Variants in LCT observed in about 807,000 individuals in gnomAD.
LCT encodes the protein lactase/phlorizin hydrolase.
Under a neutral mutation model 173.0 loss-of-function variants are expected in LCT, and 90 were observed. The observed-to-expected ratio is 0.52, with a 90% CI of 0.44 to 0.62. The LOEUF (loss-of-function observed/expected upper bound fraction) is 0.62. Among genes scored for constraint, LCT ranks in the 20% least tolerant of loss-of-function variants. The probability of loss-of-function intolerance (pLI) is 0.00; values close to 1 mark genes in which losing one functional copy is unlikely to be tolerated. For synonymous variants in LCT, 853 were observed against 957.6 expected (o/e 0.89, Z 2.02); for missense variants, 1,864 against 2,431.4 (o/e 0.77, Z 4.91).
At chr2:135,829,768 T>A (rs1575349266) in intron 2 of LCT, 92 bp from the exon 3 acceptor site, 1 of 851,408 alleles carries the variant, frequency 1.2e-6, no homozygotes, top group East Asian at 2.5e-5. Flanking sequence ...TCTCCCCTTA[T>A]CACTAAACCA....
intron 11 of LCT, among the ~76,000 whole-genome samples, chr2:135,803,250 C>A (rs2077642409): frequency 6.6e-6 from 1 of 152,190 alleles, no homozygotes; most frequent in South Asian, 2.1e-4. Context: ...ACTAATTATT[C>A]TGATTTCATC....
chr2:135,794,660 A>G lies in LCT; in HGVS notation c.5092T>C (p.Ser1698Pro), dbSNP rs767645838. The G allele has an allele frequency of 1.9e-6, 3 of 1,614,156 alleles. No homozygotes were observed. Among genetic ancestry groups the G allele is most frequent in the Non-Finnish European group, 2.5e-6 (3 of 1,180,022 alleles). Residue 1698 changes from serine (S) to proline (P), a missense_variant, in exon 14 of 17, where the codon TCT becomes CCT. Physicochemically the swap from Ser to Pro is moderately conservative, Grantham distance 74 (BLOSUM62 -1). This residue lies in a region of LCT where 514 missense variants were observed against 750.1 expected (regional missense o/e 0.69). Coordinates refer to ENST00000264162, the MANE Select transcript of LCT (RefSeq NM_002299.4). The part of the protein sequence containing the change: ...AYNLNYATAI[S>P]SFDADRGVAS... ...ACTTACCTGTCTGCATCAAAAGAAG[A>G]GATGGCAGTGGCATAGTTGAGGTTG...
intron 5 of LCT, chr2:135,820,373 C>A (rs1325898016): frequency 6.6e-6 from 1 of 152,154 alleles, no homozygotes; most frequent in East Asian, 1.9e-4. Flanking sequence ...GAAGCCACAG[C>A]CAGTCCTTCT....
chr2:135,825,529 G>A (rs950807210), intron 3 of LCT, among the ~76,000 whole-genome samples: 1 of 152,206 alleles, frequency 6.6e-6, no homozygotes, highest in Non-Finnish European at 1.5e-5. Flanking sequence ...AGGAGCCTCG[G>A]AGGCCCCCAG....
Position 135,788,449 on chromosome 2 carries a change from G to A in LCT, c.5659C>T (p.Leu1887Phe), listed in dbSNP as rs756785285. 3.1e-6 allele frequency: 5 copies of A among 1,613,776 alleles called. No individual in the cohort carries two copies. Residue 1887 changes from leucine (L) to phenylalanine (F), a missense_variant, in exon 17 of 17, where the codon CTC becomes TTC. By Grantham distance (22) the Leu-to-Phe change is conservative (BLOSUM62 0). Coordinates refer to ENST00000264162, the MANE Select transcript of LCT (RefSeq NM_002299.4). ...ACTCCAAGAAGCACAAGAGAAAAGA[G>A]AACGTACAAAGCTGTCTGTGCTTCT... is the stretch of plus-strand genomic sequence containing the variant. ...TTEAQTALYVLFSLVLLGVCG... is the reference protein window; with the variant it reads ...TTEAQTALYVFFSLVLLGVCG...
intron 2 of LCT, 113 bp from the exon 3 acceptor site, chr2:135,829,789 A>G: frequency 1.3e-6 from 1 of 749,046 alleles, no homozygotes; most frequent in African/African-American, 1.7e-5. Flanking sequence ...AATATTCCAA[A>G]GCAGGATTTT....
chr2:135,822,407 T>C (rs2077841833), intron 4 of LCT: 2 of 371,268 alleles, frequency 5.4e-6, no homozygotes, highest in Non-Finnish European at 5.1e-6. Flanking sequence ...CTCAAGAATA[T>C]GCATTTCTAA....
chr2:135,818,911 C>T (rs2077804837), intron 5 of LCT, among the ~76,000 whole-genome samples: 1 of 152,242 alleles, frequency 6.6e-6, no homozygotes, highest in Admixed American at 6.5e-5. Flanking sequence ...TACAGAAGTA[C>T]ACTGATGTGG....
At chr2:135,810,436 A>G (rs2077725448) in intron 7 of LCT, among the ~76,000 whole-genome samples, 1 of 152,180 alleles carries the variant, frequency 6.6e-6, no homozygotes, top group Non-Finnish European at 1.5e-5. Flanking sequence ...CTCAGAATGG[A>G]TAAAAGGAAA....
At chr2:135,828,595 C>T (rs577649891) in intron 3 of LCT, among the ~76,000 whole-genome samples, 3 of 152,306 alleles carry the variant, frequency 2.0e-5, no homozygotes, top group East Asian at 3.9e-4. Flanking sequence ...TCGGAAGGTG[C>T]AGGAGAAAAC....
Position 135,794,647 on chromosome 2 carries a change from G to C in LCT, c.5105C>G (p.Ala1702Gly). 6.2e-7 allele frequency: 1 copy of C among 1,614,066 alleles called. No homozygotes were observed. Among genetic ancestry groups the C allele is most frequent in the Non-Finnish European group, 8.5e-7 (1 of 1,179,984 alleles). Residue 1702 changes from alanine to glycine, a missense_variant, in exon 14 of 17, where the codon GCA becomes GGA. Coordinates refer to ENST00000264162, the MANE Select transcript of LCT (RefSeq NM_002299.4). ...NYATAISSFD[A>G]DRGVASIADR... ...TCCCTGTTGGTGGACTTACCTGTCT[G>C]CATCAAAAGAAGAGATGGCAGTGGC...
chr2:135,827,671 G>A (rs747226143), intron 3 of LCT, among the ~76,000 whole-genome samples: 2 of 152,120 alleles, frequency 1.3e-5, no homozygotes, highest in Admixed American at 6.5e-5. Flanking sequence ...CCTCGCATGC[G>A]CAGTTCACAA....
At chr2:135,836,017 T>TATATAC (rs1679352854) in intron 1 of LCT, among the ~76,000 whole-genome samples, 1 of 11,804 alleles carries the variant, frequency 8.5e-5, no homozygotes, top group Non-Finnish European at 4.5e-4. Flanking sequence ...TATATATATG[T>TATATAC]ATACATATTT....
At chr2:135,791,577 G>C (rs1165438550) in intron 14 of LCT, among the ~76,000 whole-genome samples, 1 of 152,200 alleles carries the variant, frequency 6.6e-6, no homozygotes, top group African/African-American at 2.4e-5. Flanking sequence ...AAAAATGTTG[G>C]TTTTATCAGC....
intron 3 of LCT, among the ~76,000 whole-genome samples, chr2:135,826,612 A>C (rs574903871): frequency 6.6e-6 from 1 of 152,198 alleles, no homozygotes; most frequent in African/African-American, 2.4e-5. Flanking sequence ...ACTGAAAATC[A>C]CATCCTCAAG....
In LCT at chr2:135,804,089, C is replaced by T; in HGVS notation, c.4504G>A (p.Asp1502Asn). 6.2e-7 allele frequency: 1 copy of T among 1,614,134 alleles called. No homozygotes were observed. Reference protein sequence around the residue: ...YHWDLPQTLQDVGGWENETIV... With the variant: ...YHWDLPQTLQNVGGWENETIV... Reference sequence around the variant, plus strand: ...GTCTCATTCTCCCAGCCTCCTACATCTTGGAGCGTCTGTGGTAGGTCCCAG... The same window carrying T: ...GTCTCATTCTCCCAGCCTCCTACATTTTGGAGCGTCTGTGGTAGGTCCCAG... Residue 1502 changes from aspartate (D) to asparagine (N), a missense_variant, in exon 11 of 17, where the codon GAT becomes AAT. Asp to Asn is a conservative substitution (Grantham distance 23, BLOSUM62 1). Transcript: ENST00000264162.
At chr2:135,807,065 G>C in intron 9 of LCT, 63 bp downstream of exon 9, 1 of 1,588,246 alleles carries the variant, frequency 6.3e-7, no homozygotes, top group Non-Finnish European at 8.6e-7. Flanking sequence ...CCAGCACTGA[G>C]CCCAGAGCCT....
In LCT at chr2:135,788,462, T is replaced by C; in HGVS notation, c.5646A>G (p.Thr1882=). 6.2e-7 allele frequency: 1 copy of C among 1,613,672 alleles called. No homozygotes were observed. Among genetic ancestry groups the C allele is most frequent in the South Asian group, 1.1e-5 (1 of 91,048 alleles). The change falls in exon 17 of 17, where the codon ACA becomes ACG. Residue 1882 remains threonine (T), a synonymous_variant. Transcript: ENST00000264162. The part of the protein sequence containing the change: ...GLMLGTTEAQ[T]ALYVLFSLVL... ...CAAGAGAAAAGAGAACGTACAAAGC[T>C]GTCTGTGCTTCTGTGGTGCCGAGCA...
Position 135,791,480 on chromosome 2 carries a change from A to G in LCT, c.5112-599T>C, listed in dbSNP as rs1026880582. On this transcript the variant is annotated intron_variant, in intron 14 of 16. Transcript: ENST00000264162. ...ACAGGGGTGCCTGCTGGGGGAGGCC[A>G]CAGAAGCCTGATCACCTGTAGTCAC... Among the ~76,000 whole-genome samples the G allele has an allele frequency of 2.4e-4, 37 of 152,354 alleles. No homozygotes were observed. The East Asian group carries it at 3.5e-3, about 14-fold the overall frequency.
Sources: allele counts gnomAD v4.1 joint callset (sites outside exome capture counted in the v4.1 genomes callset), GRCh38; gene constraint gnomAD v4.1.1; regional missense constraint gnomAD v4.1.1; transcripts MANE v1.5; gene names NCBI Gene and HGNC (gene_info 2026-07-23, HGNC 2026-07-21).